Variants in SLC24A2 observed in about 807,000 individuals in gnomAD.
SLC24A2 encodes the protein solute carrier family 24 member 2.
In SLC24A2, 36 loss-of-function variants were observed where a neutral mutation model predicts 62.0. That is an observed-to-expected ratio of 0.58 (90% CI 0.44 to 0.77). The LOEUF is 0.77. SLC24A2 is among the 30% of genes least tolerant of loss of function. SLC24A2 has a pLI of 0.00. For missense variants in SLC24A2, 846 were observed against 817.9 expected (o/e 1.03, Z -0.42); for synonymous variants, 358 against 294.0 (o/e 1.22, Z -2.23).
the SLC24A2 span, among the ~76,000 whole-genome samples, chr9:20,209,079 G>T: frequency 6.6e-6 from 1 of 152,238 alleles, no homozygotes; most frequent in East Asian, 1.9e-4. Flanking sequence ...TTCATAGACT[G>T]CTGTGAGCAT....
intron 2 of SLC24A2, among the ~76,000 whole-genome samples, chr9:19,777,204 G>C (rs1587311807): frequency 6.6e-6 from 1 of 152,092 alleles, no homozygotes; most frequent in Non-Finnish European, 1.5e-5. Flanking sequence ...AAAGGACACA[G>C]GAAACTGGCA....
chr9:20,015,223 A>C, the SLC24A2 span, among the ~76,000 whole-genome samples: 1 of 152,216 alleles, frequency 6.6e-6, no homozygotes, highest in Non-Finnish European at 1.5e-5. Flanking sequence ...TCAGCAGGTC[A>C]GAGCATCAGA....
the SLC24A2 span, among the ~76,000 whole-genome samples, chr9:20,053,690 G>A: frequency 6.6e-6 from 1 of 152,094 alleles, no homozygotes; most frequent in Non-Finnish European, 1.5e-5. Context: ...CATTATGGAG[G>A]TTTACAGGAA....
chr9:20,017,582 C>G, the SLC24A2 span, among the ~76,000 whole-genome samples: 3 of 152,118 alleles, frequency 2.0e-5, no homozygotes, highest in Admixed American at 1.3e-4. Context: ...AACAGGTAAT[C>G]TGCAAGCTGA....
At chr9:19,809,072 G>C in the SLC24A2 span, among the ~76,000 whole-genome samples, 2 of 152,148 alleles carry the variant, frequency 1.3e-5, no homozygotes, top group Non-Finnish European at 2.9e-5. Context: ...GCAAATAAAT[G>C]AGTTAATGAG....
In SLC24A2 at chr9:19,573,428, T is replaced by C; in HGVS notation, c.1270A>G (p.Met424Val). 6.2e-7 allele frequency: 1 copy of C among 1,613,724 alleles called. No individual in the cohort carries two copies. The highest frequency in any genetic ancestry group is 1.1e-5 in the South Asian group (1 of 91,062). The change falls in exon 7 of 11, where the codon ATG becomes GTG. Residue 424 changes from methionine to valine, a missense_variant. Coordinates refer to ENST00000341998, the MANE Select transcript of SLC24A2 (RefSeq NM_020344.4). ...LPNSTSTDVEMTPSSDASEPV... is the reference protein window; with the variant it reads ...LPNSTSTDVEVTPSSDASEPV... ...TCTGAAGCATCACTGGATGGTGTCA[T>C]TTCAACATCTGTGCTGGTGCTGTTT...
the SLC24A2 span, among the ~76,000 whole-genome samples, chr9:20,180,825 G>C: frequency 6.6e-6 from 1 of 152,148 alleles, no homozygotes; most frequent in African/African-American, 2.4e-5. Flanking sequence ...GGAAAGTTAA[G>C]AGCTTTGCTT....
intron 4 of SLC24A2, among the ~76,000 whole-genome samples, chr9:19,610,456 G>T (rs375827043): frequency 3.9e-5 from 6 of 152,236 alleles, no homozygotes; most frequent in African/African-American, 1.4e-4. Context: ...ATAAAGGAAA[G>T]AACAGTGTAT....
the SLC24A2 span, among the ~76,000 whole-genome samples, chr9:20,021,040 G>C: frequency 6.6e-6 from 1 of 151,978 alleles, no homozygotes; most frequent in African/African-American, 2.4e-5. Flanking sequence ...TGTATACATA[G>C]ACATAATATA....
At chr9:20,276,527 T>C in the SLC24A2 span, among the ~76,000 whole-genome samples, 2 of 152,188 alleles carry the variant, frequency 1.3e-5, no homozygotes, top group Non-Finnish European at 1.5e-5. Flanking sequence ...TCCAGGTACA[T>C]GGTGAAAGCT....
At chr9:19,760,511 T>C (rs1385154391) in intron 2 of SLC24A2, among the ~76,000 whole-genome samples, 1 of 151,922 alleles carries the variant, frequency 6.6e-6, no homozygotes, top group East Asian at 2.0e-4. Flanking sequence ...ATGCTATCCC[T>C]CCCCTTGTCC....
At chr9:20,114,793 A>C in the SLC24A2 span, among the ~76,000 whole-genome samples, 1 of 152,184 alleles carries the variant, frequency 6.6e-6, no homozygotes, top group East Asian at 1.9e-4. Context: ...GCCCAATTCC[A>C]AAACACCCTC....
chr9:20,086,118 T>C, the SLC24A2 span, among the ~76,000 whole-genome samples: 1 of 152,184 alleles, frequency 6.6e-6, no homozygotes, highest in African/African-American at 2.4e-5. Flanking sequence ...AACTCTTTGT[T>C]AGAGTCAAGT....
chr9:19,797,109 C>T, the SLC24A2 span, among the ~76,000 whole-genome samples: 2 of 152,060 alleles, frequency 1.3e-5, no homozygotes, highest in Non-Finnish European at 2.9e-5. Flanking sequence ...CTATCTTATT[C>T]TTTGCATATT....
the SLC24A2 span, among the ~76,000 whole-genome samples, chr9:19,990,922 G>GATATATATATATATATATATACAC: frequency 2.5e-5 from 3 of 120,812 alleles, no homozygotes; most frequent in African/African-American, 1.1e-4. Context: ...GGACTAATAG[G>GATATATATATATATATATATACAC]ATATATATAT....
At chr9:19,875,799 A>G in the SLC24A2 span, among the ~76,000 whole-genome samples, 3 of 152,196 alleles carry the variant, frequency 2.0e-5, no homozygotes, top group African/African-American at 7.2e-5. Flanking sequence ...ATATGAGAAG[A>G]ATCTGGGGCT....
chr9:20,255,493 A>G, the SLC24A2 span, among the ~76,000 whole-genome samples: 3 of 152,336 alleles, frequency 2.0e-5, no homozygotes, highest in South Asian at 2.1e-4. Context: ...ATATCTGTAT[A>G]CATGGCATCA....
chr9:19,687,243 T>A (rs1372610683), intron 2 of SLC24A2, among the ~76,000 whole-genome samples: 2 of 152,068 alleles, frequency 1.3e-5, no homozygotes, highest in Non-Finnish European at 2.9e-5. Flanking sequence ...AATTTATGTA[T>A]CTAACAAATC....
chr9:19,533,154 T>C (rs1325762113), intron 8 of SLC24A2, among the ~76,000 whole-genome samples: 1 of 152,172 alleles, frequency 6.6e-6, no homozygotes, highest in Non-Finnish European at 1.5e-5. Context: ...ACTCTGAAAC[T>C]ATAAGTATAC....
Sources: allele counts gnomAD v4.1 joint callset (sites outside exome capture counted in the v4.1 genomes callset), GRCh38; gene constraint gnomAD v4.1.1; transcripts MANE v1.5; gene names NCBI Gene and HGNC (gene_info 2026-07-23, HGNC 2026-07-21).